The following MN1 variants were observed in gnomAD, a reference collection of about 807,000 sequenced individuals.
MN1 encodes MN1 proto-oncogene, transcriptional regulator.
A neutral mutation model predicts 86.9 loss-of-function variants in MN1; 19 were observed. The observed-to-expected ratio is 0.22, with a 90% CI of 0.15 to 0.32. The LOEUF (loss-of-function observed/expected upper bound fraction) is 0.32, where lower values mean the gene tolerates loss of function less well. MN1 is among the 10% of genes least tolerant of loss of function. The pLI, the probability that MN1 is intolerant of heterozygous loss-of-function variation, is 1.00. For missense variants in MN1, 1,841 were observed against 1,862.0 expected (o/e 0.99, Z 0.21); for synonymous variants, 928 against 849.6 (o/e 1.09, Z -1.60).
chr22:27,793,972 G>A (rs1409386843), intron 1 of MN1, among the ~76,000 whole-genome samples: 2 of 152,086 alleles, frequency 1.3e-5, no homozygotes, highest in African/African-American at 4.8e-5. Flanking sequence ...TACAAAAATG[G>A]GCTTTGCCTG....
chr22:27,787,802 G>A (rs150596283), intron 1 of MN1, among the ~76,000 whole-genome samples: 4 of 152,154 alleles, frequency 2.6e-5, no homozygotes, highest in South Asian at 2.1e-4. Flanking sequence ...CCACAGGCAC[G>A]TCTGGGTCCT....
intron 1 of MN1, among the ~76,000 whole-genome samples, chr22:27,759,980 G>A (rs1360359344): frequency 6.6e-6 from 1 of 152,192 alleles, no homozygotes; most frequent in Non-Finnish European, 1.5e-5. Context: ...CAATTTGGGA[G>A]GTGCAGGTGG....
chr22:27,778,160 A>C (rs1380471711), intron 1 of MN1, among the ~76,000 whole-genome samples: 1 of 152,116 alleles, frequency 6.6e-6, no homozygotes, highest in East Asian at 1.9e-4. Flanking sequence ...CGAGGGACTG[A>C]TTTTTCCAGC....
At position 27,798,474 on chromosome 22, in the gene MN1, G is replaced by C. The variant is rs1201072228; in HGVS notation, c.2070C>G (p.Gly690=). 6.4e-7 allele frequency: 1 copy of C among 1,562,452 alleles called. No homozygotes were observed. The highest frequency in any genetic ancestry group is 1.8e-5 in the Admixed American group (1 of 55,884). The part of the protein sequence containing the change: ...LQEPMRMPGE[G]HVPALPSPGL... ...CCGGTGAAGGCAGCGCGGGCACGTGGCCCTCTCCGGGCATCCTCATCGGCT... is the reference window on the plus strand; with the variant it reads ...CCGGTGAAGGCAGCGCGGGCACGTGCCCCTCTCCGGGCATCCTCATCGGCT... Residue 690 remains glycine, a synonymous_variant, in exon 1 of 2, where the codon GGC becomes GGG. Coordinates refer to ENST00000302326, the MANE Select transcript of MN1 (RefSeq NM_002430.3).
At chr22:27,771,436 A>G (rs2146301735) in intron 1 of MN1, among the ~76,000 whole-genome samples, 1 of 151,942 alleles carries the variant, frequency 6.6e-6, no homozygotes, top group South Asian at 2.1e-4. Context: ...TATGTTGCCC[A>G]GGTTGGTCTC....
intron 1 of MN1, among the ~76,000 whole-genome samples, chr22:27,765,706 G>T (rs1370577283): frequency 1.3e-5 from 2 of 152,194 alleles, no homozygotes; most frequent in Non-Finnish European, 2.9e-5. Flanking sequence ...TCTGGCCCAG[G>T]TTCTCTCCAC....
At chr22:27,764,619 A>C (rs972382619) in intron 1 of MN1, among the ~76,000 whole-genome samples, 4 of 152,236 alleles carry the variant, frequency 2.6e-5, no homozygotes, top group Non-Finnish European at 4.4e-5. Context: ...GTCATCCAAC[A>C]GTGAGCAGAA....
rs11330963 is a variant in MN1, at chr22:27,771,219, C to CTTTT, written c.3782-20127_3782-20124dup. 2.5e-3 allele frequency among the ~76,000 whole-genome samples: 220 copies of CTTTT among 86,646 alleles called. 14 individuals carry two copies. Among genetic ancestry groups the CTTTT allele is most frequent in the African/African-American group, 8.7e-3 (192 of 22,188 alleles). 56.8% of individuals were successfully genotyped at this position (86,646 alleles called of 152,430 possible). A position where few individuals can be genotyped will look rare whatever the true frequency, so the allele number is the denominator to read the frequency against. ...TGTTTTGGTGGGGTTTTTTCCCTAA[C>CTTTT]TTTTTTTTTTTTTTTTTTTTTTTTT... On this transcript the variant is annotated intron_variant, in intron 1 of 1. Coordinates refer to ENST00000302326, the MANE Select transcript of MN1 (RefSeq NM_002430.3).
chr22:27,763,155 C>T lies in MN1; in HGVS notation c.3782-12059G>A, dbSNP rs140379189. Among the ~76,000 whole-genome samples, 198 of 152,266 alleles carry T rather than the reference C, an allele frequency of 1.3e-3. 3 individuals are homozygous for T. The highest frequency in any genetic ancestry group is 3.4e-3 in the Middle Eastern group (1 of 294). Reference sequence around the variant, plus strand: ...CATTCACATTTATTTGGAATTAGAGCCTCATTGCTTCCAGCCCATTGGAGG... The same window carrying T: ...CATTCACATTTATTTGGAATTAGAGTCTCATTGCTTCCAGCCCATTGGAGG... On this transcript the variant is annotated intron_variant, in intron 1 of 1. Coordinates refer to ENST00000302326, the MANE Select transcript of MN1 (RefSeq NM_002430.3).
At position 27,798,483 on chromosome 22, in the gene MN1, G is replaced by A. The variant is rs1338873253; in HGVS notation, c.2061C>T (p.Pro687=). The change falls in exon 1 of 2, where the codon CCC becomes CCT. Residue 687 remains proline (P), a synonymous_variant. Transcript: ENST00000302326. The stretch of plus-strand genomic sequence containing the variant: ...GCAGCGCGGGCACGTGGCCCTCTCC[G>A]GGCATCCTCATCGGCTCCTGCAGAG... ...RGPLQEPMRM[P]GEGHVPALPS... is the part of the protein sequence containing the mutation. 6.4e-7 allele frequency: 1 copy of A among 1,559,450 alleles called. No homozygotes were observed. Among genetic ancestry groups the A allele is most frequent in the Non-Finnish European group, 8.6e-7 (1 of 1,162,892 alleles).
At chr22:27,770,272 G>C (rs556215244) in intron 1 of MN1, among the ~76,000 whole-genome samples, 1 of 152,350 alleles carries the variant, frequency 6.6e-6, no homozygotes, top group African/African-American at 2.4e-5. Context: ...ATGATGGAGA[G>C]AGATTCTTGT....
At position 27,801,052 on chromosome 22, in the gene MN1, G is replaced by T; in HGVS notation, c.-509C>A. 4.2e-6 allele frequency: 1 copy of T among 238,348 alleles called. No individual in the cohort carries two copies. Among genetic ancestry groups the T allele is most frequent in the Non-Finnish European group, 8.3e-6 (1 of 120,834 alleles). The allele number at this position is 238,348 out of a possible 1,614,324, so 14.8% of individuals were successfully genotyped here. A position where few individuals can be genotyped will look rare whatever the true frequency, so the allele number is the denominator to read the frequency against. On this transcript the variant is annotated 5_prime_UTR_variant, in exon 1 of 2. Coordinates refer to ENST00000302326, the MANE Select transcript of MN1 (RefSeq NM_002430.3). ...AGGGAGACCCTTCAAAGCCGCGGCT[G>T]GCGCCGGGCACCGACAGAGCGGTCC...
intron 1 of MN1, among the ~76,000 whole-genome samples, chr22:27,773,259 C>T (rs773975429): frequency 2.0e-5 from 3 of 152,126 alleles, no homozygotes; most frequent in East Asian, 1.9e-4. Context: ...GGCCACCGGG[C>T]GCCAGGGGGT....
rs766819572 is a variant in MN1, at chr22:27,750,981, G to C, written c.3897C>G (p.Pro1299=). ...VGDAKARASV[P]TWRSLHSDIS... ...TGTCAGAATGCAGGGACCGCCAGGTGGGCACGGAGGCTCGAGCCTTGGCGT... is the reference window on the plus strand; with the variant it reads ...TGTCAGAATGCAGGGACCGCCAGGTCGGCACGGAGGCTCGAGCCTTGGCGT... Residue 1299 remains proline (P), a synonymous_variant, in exon 2 of 2, where the codon CCC becomes CCG. Coordinates refer to ENST00000302326, the MANE Select transcript of MN1 (RefSeq NM_002430.3). 6.2e-7 allele frequency: 1 copy of C among 1,613,108 alleles called. No homozygotes were observed. The highest frequency in any genetic ancestry group is 1.3e-5 in the African/African-American group (1 of 75,032).
At chr22:27,777,449 C>T (rs895963420) in intron 1 of MN1, among the ~76,000 whole-genome samples, 22 of 151,128 alleles carry the variant, frequency 1.5e-4, no homozygotes, top group South Asian at 2.1e-4. Context: ...GGGAGGATCG[C>T]GTGAGCCCAG....
At chr22:27,795,868 A>AC (rs1460324622) in intron 1 of MN1, among the ~76,000 whole-genome samples, 23 of 152,044 alleles carry the variant, frequency 1.5e-4, no homozygotes, top group Admixed American at 7.9e-4. Flanking sequence ...TACTAACCCC[A>AC]CCCCTCCCAC....
chr22:27,761,748 G>A (rs45522543), intron 1 of MN1, among the ~76,000 whole-genome samples: 3,411 of 152,370 alleles, frequency 0.022, 65 homozygotes, highest in Non-Finnish European at 0.034. Flanking sequence ...CGAGGGTGAA[G>A]CAGAGGCCTC....
intron 1 of MN1, among the ~76,000 whole-genome samples, chr22:27,765,555 C>G (rs1390727948): frequency 6.6e-6 from 1 of 152,232 alleles, no homozygotes; most frequent in Non-Finnish European, 1.5e-5. Context: ...TCTGAGGACC[C>G]CCGTGTGGGC....
At chr22:27,795,869 C>T (rs976446843) in intron 1 of MN1, among the ~76,000 whole-genome samples, 1 of 152,152 alleles carries the variant, frequency 6.6e-6, no homozygotes, top group African/African-American at 2.4e-5. Context: ...ACTAACCCCA[C>T]CCCTCCCACC....
Sources: gnomAD v4.1 joint callset for allele counts (sites outside exome capture counted in the v4.1 genomes callset) on GRCh38, gnomAD v4.1.1 for gene constraint, MANE v1.5 for transcripts, NCBI Gene and HGNC (gene_info 2026-07-23, HGNC 2026-07-21) for gene names.